LSAMP: variants seen among roughly 807,000 people sequenced by gnomAD.
The protein encoded by LSAMP is limbic system associated membrane protein, also known as limbic system-associated membrane protein.
In LSAMP, 7 loss-of-function variants were observed where a neutral mutation model predicts 38.6. That is an observed-to-expected ratio of 0.18 (90% CI 0.10 to 0.34). The LOEUF is 0.34. Ranked by LOEUF, LSAMP falls within the 10% of genes least tolerant of loss-of-function variation. The pLI is 1.00. For missense variants in LSAMP, 313 were observed against 420.0 expected (o/e 0.75, Z 2.23); for synonymous variants, 154 against 166.8 (o/e 0.92, Z 0.59).
chr3:115,864,019 T>C (rs1170950539), intron 3 of LSAMP, among the ~76,000 whole-genome samples: 1 of 152,172 alleles, frequency 6.6e-6, no homozygotes, highest in African/African-American at 2.4e-5. Flanking sequence ...TGACTATCCA[T>C]GGGCATTGTG....
In LSAMP at chr3:115,805,611, G is replaced by A. The variant is rs1236539077; in HGVS notation, c.*4706C>T. The A allele has an allele frequency of 6.6e-6, 1 of 152,118 alleles. No individual in the cohort carries two copies. The highest frequency in any genetic ancestry group is 1.9e-4 in the East Asian group (1 of 5,196). The allele number at this position is 152,118 out of a possible 1,614,324, so 9.4% of individuals were successfully genotyped here. A position where few individuals can be genotyped will look rare whatever the true frequency, so the allele number is the denominator to read the frequency against. On this transcript the variant is annotated 3_prime_UTR_variant, in exon 7 of 7. Transcript: ENST00000490035. ...ATAATATTCATAAACATTTTCGCTGGTGTAAATGTTAAACCTAAACCCAAC... is the reference window on the plus strand; with the variant it reads ...ATAATATTCATAAACATTTTCGCTGATGTAAATGTTAAACCTAAACCCAAC...
chr3:115,914,670 T>A (rs1937208608), intron 3 of LSAMP, among the ~76,000 whole-genome samples: 1 of 152,168 alleles, frequency 6.6e-6, no homozygotes, highest in Admixed American at 6.5e-5. Context: ...TTCTTTTACC[T>A]CTAATAGTTA....
chr3:116,344,010 G>A (rs1192074965), intron 1 of LSAMP, among the ~76,000 whole-genome samples: 1 of 151,966 alleles, frequency 6.6e-6, no homozygotes, highest in Non-Finnish European at 1.5e-5. Flanking sequence ...TAATATTCAT[G>A]GAAAAAGAAA....
intron 1 of LSAMP, among the ~76,000 whole-genome samples, chr3:116,347,988 A>G (rs2048086381): frequency 6.6e-6 from 1 of 151,940 alleles, no homozygotes; most frequent in Non-Finnish European, 1.5e-5. Context: ...TAAAAAATCA[A>G]AATCTGGGGT....
At chr3:115,823,338 G>T (rs955273118) in intron 6 of LSAMP, among the ~76,000 whole-genome samples, 1 of 152,188 alleles carries the variant, frequency 6.6e-6, no homozygotes, top group Non-Finnish European at 1.5e-5. Context: ...CAGCTCCTGG[G>T]CCTGCCTCTG....
chr3:116,345,210 C>T (rs2048049446), intron 1 of LSAMP, among the ~76,000 whole-genome samples: 1 of 152,080 alleles, frequency 6.6e-6, no homozygotes, highest in Non-Finnish European at 1.5e-5. Context: ...AGGTTTGATT[C>T]TTAGTAATTT....
chr3:115,820,167 C>T (rs546318609), intron 6 of LSAMP, among the ~76,000 whole-genome samples: 9 of 151,992 alleles, frequency 5.9e-5, no homozygotes, highest in African/African-American at 2.2e-4. Flanking sequence ...ATCTCATGTT[C>T]GTGAATCGAA....
At chr3:115,862,182 T>C (rs373037218) in intron 3 of LSAMP, among the ~76,000 whole-genome samples, 7 of 152,156 alleles carry the variant, frequency 4.6e-5, no homozygotes, top group African/African-American at 1.7e-4. Flanking sequence ...ATCAGAACTG[T>C]GGGGGTATTA....
intron 1 of LSAMP, among the ~76,000 whole-genome samples, chr3:116,373,823 C>A (rs1210321026): frequency 6.6e-6 from 1 of 151,822 alleles, no homozygotes; most frequent in Admixed American, 6.6e-5. Flanking sequence ...CCCACACACC[C>A]CAAAGCAATA....
intron 3 of LSAMP, among the ~76,000 whole-genome samples, chr3:115,894,680 A>G (rs1163113740): frequency 6.6e-6 from 1 of 152,054 alleles, no homozygotes; most frequent in Non-Finnish European, 1.5e-5. Context: ...GTTCAGAAAA[A>G]AATCTCAAGC....
At chr3:116,380,265 T>C (rs1182912860) in intron 1 of LSAMP, among the ~76,000 whole-genome samples, 1 of 152,082 alleles carries the variant, frequency 6.6e-6, no homozygotes, top group Non-Finnish European at 1.5e-5. Context: ...GTGAGCTGTT[T>C]TTAATATTAC....
intron 3 of LSAMP, among the ~76,000 whole-genome samples, chr3:115,887,954 C>T (rs957965490): frequency 5.3e-5 from 8 of 151,800 alleles, no homozygotes; most frequent in African/African-American, 7.3e-5. Context: ...AAACTATTGA[C>T]GGGCAGTAAA....
chr3:116,308,814 T>C (rs2047519257), intron 1 of LSAMP, among the ~76,000 whole-genome samples: 1 of 152,052 alleles, frequency 6.6e-6, no homozygotes, highest in African/African-American at 2.4e-5. Context: ...TTTCAAAGGG[T>C]TAAGTATCAA....
intron 3 of LSAMP, among the ~76,000 whole-genome samples, chr3:115,936,324 G>C (rs1937700820): frequency 6.6e-6 from 1 of 152,190 alleles, no homozygotes; most frequent in South Asian, 2.1e-4. Context: ...GTAAAGACTA[G>C]CATGGATTTG....
At position 116,201,911 on chromosome 3, in the gene LSAMP, G is replaced by GT. The variant is rs112440741; in HGVS notation, c.156-115356dup. ...TTTAACTGGCACAAACACCAGTAGT[G>GT]TTTTCCATTCTATTACTCAGAAAAC... On this transcript the variant is annotated intron_variant, in intron 1 of 6. Transcript: ENST00000490035. Among the ~76,000 whole-genome samples, 665 of 152,246 alleles carry GT rather than the reference G, an allele frequency of 4.4e-3. 7 individuals carry two copies. Among genetic ancestry groups the GT allele is most frequent in the African/African-American group, 0.015 (627 of 41,552 alleles).
At chr3:115,840,491 C>T (rs1175375652) in intron 6 of LSAMP, among the ~76,000 whole-genome samples, 1 of 152,118 alleles carries the variant, frequency 6.6e-6, no homozygotes, top group Non-Finnish European at 1.5e-5. Flanking sequence ...TATGTTTGGT[C>T]TTTGGAGACA....
chr3:116,357,915 TAA>T (rs796503219), intron 1 of LSAMP, among the ~76,000 whole-genome samples: 12 of 131,610 alleles, frequency 9.1e-5, no homozygotes, highest in Admixed American at 1.5e-4. Context: ...AACACAGAAT[TAA>T]AAAAAAAAAA....
chr3:116,129,197 G>A (rs974878441), intron 1 of LSAMP, among the ~76,000 whole-genome samples: 3 of 152,128 alleles, frequency 2.0e-5, no homozygotes, highest in Admixed American at 2.0e-4. Context: ...ATATAGAGGA[G>A]TGTCAGATAA....
At chr3:116,352,338 G>C (rs2048153223) in intron 1 of LSAMP, among the ~76,000 whole-genome samples, 1 of 152,076 alleles carries the variant, frequency 6.6e-6, no homozygotes, top group Admixed American at 6.6e-5. Flanking sequence ...CAATGAGATA[G>C]ATTCAGAGCA....
Sources: allele counts gnomAD v4.1 joint callset (sites outside exome capture counted in the v4.1 genomes callset), GRCh38; gene constraint gnomAD v4.1.1; transcripts MANE v1.5; gene names NCBI Gene and HGNC (gene_info 2026-07-23, HGNC 2026-07-21).